The following GSX1 variants were observed in gnomAD, a reference collection of about 807,000 sequenced individuals.
The protein encoded by GSX1 is GS homeo box protein 1.
Under a neutral mutation model 17.7 loss-of-function variants are expected in GSX1, and 13 were observed. That is an observed-to-expected ratio of 0.74 (90% CI 0.48 to 1.17). GSX1 has a LOEUF of 1.17. Among genes scored for constraint, GSX1 ranks in the 50% most tolerant of loss-of-function variants. The probability of loss-of-function intolerance (pLI) is 0.00; values close to 1 mark genes in which losing one functional copy is unlikely to be tolerated. For missense variants in GSX1, 371 were observed against 372.1 expected (o/e 1.00, Z 0.02); for synonymous variants, 202 against 176.2 (o/e 1.15, Z -1.16).
At position 27,794,048 on chromosome 13, in the gene GSX1, C is replaced by A; in HGVS notation, c.*100C>A. The A allele has an allele frequency of 7.6e-7, 1 of 1,317,890 alleles. No individual in the cohort carries two copies. Among genetic ancestry groups the A allele is most frequent in the Non-Finnish European group, 1.0e-6 (1 of 971,908 alleles). The allele number at this position is 1,317,890 out of a possible 1,614,324, so 81.6% of individuals were successfully genotyped here. On this transcript the variant is annotated 3_prime_UTR_variant, in exon 2 of 2. Transcript: ENST00000302945. ...TTCCCAGGCACCCGCAGCCAAACCA[C>A]TGCCTGGCATGGATTTGGCACTGCT...
chr13:27,793,909 C>A lies in GSX1; in HGVS notation c.756C>A (p.Ser252=). 1 of 1,571,330 alleles carries A rather than the reference C, an allele frequency of 6.4e-7. No homozygotes were observed. Among genetic ancestry groups the A allele is most frequent in the African/African-American group, 1.3e-5 (1 of 74,278 alleles). ...DDDELPMSPS[S]SGKDDRDLTV... is the part of the protein sequence containing the mutation. ...ACGAATTGCCCATGTCTCCGTCCTCCTCAGGGAAGGACGACCGGGATCTTA... is the reference window on the plus strand; with the variant it reads ...ACGAATTGCCCATGTCTCCGTCCTCATCAGGGAAGGACGACCGGGATCTTA... Residue 252 remains serine (S), a synonymous_variant, in exon 2 of 2, where the codon TCC becomes TCA. Coordinates refer to ENST00000302945, the MANE Select transcript of GSX1 (RefSeq NM_145657.3). This position sits in a 1 kb window ranked among gnomAD's most constrained non-coding sequence, Gnocchi z 6.2.
rs1441421766 is a variant in GSX1, at chr13:27,794,302, G to C, written c.*354G>C. The C allele has an allele frequency of 4.4e-6, 1 of 225,136 alleles. No homozygotes were observed. Among genetic ancestry groups the C allele is most frequent in the Non-Finnish European group, 8.6e-6 (1 of 116,200 alleles). The allele number at this position is 225,136 out of a possible 1,614,324, so 13.9% of individuals were successfully genotyped here. A position where few individuals can be genotyped will look rare whatever the true frequency, so the allele number is the denominator to read the frequency against. On this transcript the variant is annotated 3_prime_UTR_variant, in exon 2 of 2. Coordinates refer to ENST00000302945, the MANE Select transcript of GSX1 (RefSeq NM_145657.3). ...TAGCCCGCCCTCTCTGGGCTGGCTT[G>C]GGCTTCCTCGCTTACTCTACTCTCC...
rs189831013 is a variant in GSX1 at position 27,793,927 on chromosome 13, G to T, written c.774G>T (p.Arg258=). 1.5e-5 allele frequency: 24 copies of T among 1,559,994 alleles called. No homozygotes were observed. The Admixed American group carries it at 4.1e-4, about 27-fold the overall frequency. Residue 258 remains arginine (R), a synonymous_variant, in exon 2 of 2, where the codon CGG becomes CGT. Coordinates refer to ENST00000302945, the MANE Select transcript of GSX1 (RefSeq NM_145657.3). The surrounding 1 kb of genome is among the most constrained non-coding windows in gnomAD (Gnocchi z 6.2). ...CGTCCTCCTCAGGGAAGGACGACCGGGATCTTACGGTCACTCCCTAGGCGC... is the reference window on the plus strand; with the variant it reads ...CGTCCTCCTCAGGGAAGGACGACCGTGATCTTACGGTCACTCCCTAGGCGC... ...MSPSSSGKDD[R]DLTVTP
Position 27,793,453 on chromosome 13 carries a change from G to T in GSX1, c.413-113G>T. On this transcript the variant is annotated intron_variant, in intron 1 of 1. Coordinates refer to ENST00000302945, the MANE Select transcript of GSX1 (RefSeq NM_145657.3). This position sits in a 1 kb window ranked among gnomAD's most constrained non-coding sequence, Gnocchi z 6.2. ...TAGCTCTGCTGTGGATTGTGTTGGG[G>T]CGAAGAGATGGGTAAGAGGTCAAAG... is the stretch of plus-strand genomic sequence containing the variant. The T allele has an allele frequency of 9.6e-7, 1 of 1,038,998 alleles. No individual in the cohort carries two copies. The highest frequency in any genetic ancestry group is 1.4e-6 in the Non-Finnish European group (1 of 719,602). 64.4% of individuals were successfully genotyped at this position (1,038,998 alleles called of 1,614,324 possible).
chr13:27,794,154 T>G lies in GSX1; in HGVS notation c.*206T>G, dbSNP rs1957085872. 1 of 587,642 alleles carries G rather than the reference T, an allele frequency of 1.7e-6. No homozygotes were observed. Among genetic ancestry groups the G allele is most frequent in the Admixed American group, 3.4e-5 (1 of 29,726 alleles). The allele number at this position is 587,642 out of a possible 1,614,324, so 36.4% of individuals were successfully genotyped here. A position where few individuals can be genotyped will look rare whatever the true frequency, so the allele number is the denominator to read the frequency against. Reference sequence around the variant, plus strand: ...GCGTCCCCGCCCCAGGGCTCGCTCGTGTCCAAAGCCAACTCCAAGCTGTGA... The same window carrying G: ...GCGTCCCCGCCCCAGGGCTCGCTCGGGTCCAAAGCCAACTCCAAGCTGTGA... On this transcript the variant is annotated 3_prime_UTR_variant, in exon 2 of 2. Coordinates refer to ENST00000302945, the MANE Select transcript of GSX1 (RefSeq NM_145657.3).
chr13:27,794,403 A>G lies in GSX1; in HGVS notation c.*455A>G, dbSNP rs1044546280. The G allele has an allele frequency of 3.8e-5, 5 of 132,106 alleles. No individual in the cohort carries two copies. The highest frequency in any genetic ancestry group is 1.5e-4 in the African/African-American group (5 of 33,224). The allele number at this position is 132,106 out of a possible 1,614,324, so 8.2% of individuals were successfully genotyped here. Reference sequence around the variant, plus strand: ...TTAAAATGTCTTTTTGTCCCTCCCCACCTCTTTCCTGTGATCATTTATTCA... The same window carrying G: ...TTAAAATGTCTTTTTGTCCCTCCCCGCCTCTTTCCTGTGATCATTTATTCA... On this transcript the variant is annotated 3_prime_UTR_variant, in exon 2 of 2. Transcript: ENST00000302945.
Position 27,793,872 on chromosome 13 carries a change from C to G in GSX1, c.719C>G (p.Ser240Cys), listed in dbSNP as rs1421235981. The change falls in exon 2 of 2, where the codon TCC becomes TGC. Residue 240 changes from serine to cysteine, a missense_variant. By Grantham distance (112) the Ser-to-Cys change is moderately radical. Coordinates refer to ENST00000302945, the MANE Select transcript of GSX1 (RefSeq NM_145657.3). This position sits in a 1 kb window ranked among gnomAD's most constrained non-coding sequence, Gnocchi z 6.2. ...GCATCGCTCTCCTCAGCCAAGTGCT[C>G]CGAGGATGACGACGAATTGCCCATG... ...KCASLSSAKC[S>C]EDDDELPMSP... is the part of the protein sequence containing the mutation. 6.3e-7 allele frequency: 1 copy of G among 1,598,074 alleles called. No individual in the cohort carries two copies. Among genetic ancestry groups the G allele is most frequent in the Non-Finnish European group, 8.5e-7 (1 of 1,170,608 alleles).
Position 27,793,946 on chromosome 13 carries a change from T to C in GSX1, c.793T>C (p.Ter265GlnextTer52). The stretch of plus-strand genomic sequence containing the variant: ...CGACCGGGATCTTACGGTCACTCCC[T>C]AGGCGCGTGTCTCCCTAGGTCGCCC... The part of the protein sequence containing the change: ...KDDRDLTVTP[*>Q] The change falls in exon 2 of 2, where the codon TAG (stop) becomes CAG (glutamine). Residue 265 changes from the stop codon to glutamine (Q), a stop_lost. Transcript: ENST00000302945. The surrounding 1 kb of genome is among the most constrained non-coding windows in gnomAD (Gnocchi z 6.2). The C allele has an allele frequency of 6.5e-7, 1 of 1,546,982 alleles. No individual in the cohort carries two copies. Among genetic ancestry groups the C allele is most frequent in the South Asian group, 1.3e-5 (1 of 79,782 alleles).
In GSX1 at chr13:27,793,786, T is replaced by C. The variant is rs1479582165; in HGVS notation, c.633T>C (p.His211=). ...KHKKEGKGSN[H]RGGGGGGAGG... ...AGAAGGAGGGCAAGGGCAGCAACCATCGTGGCGGCGGCGGCGGGGGTGCCG... is the reference window on the plus strand; with the variant it reads ...AGAAGGAGGGCAAGGGCAGCAACCACCGTGGCGGCGGCGGCGGGGGTGCCG... The change falls in exon 2 of 2, where the codon CAT becomes CAC. Residue 211 remains histidine, a synonymous_variant. Coordinates refer to ENST00000302945, the MANE Select transcript of GSX1 (RefSeq NM_145657.3). The surrounding 1 kb of genome is among the most constrained non-coding windows in gnomAD (Gnocchi z 6.2). 1.9e-6 allele frequency: 3 copies of C among 1,613,914 alleles called. No homozygotes were observed. The highest frequency in any genetic ancestry group is 2.2e-5 in the East Asian group (1 of 44,860).
Position 27,793,498 on chromosome 13 carries a change from G to C in GSX1, c.413-68G>C, listed in dbSNP as rs1957079555. 6.7e-7 allele frequency: 1 copy of C among 1,488,610 alleles called. No individual in the cohort carries two copies. The allele number at this position is 1,488,610 out of a possible 1,614,324, so 92.2% of individuals were successfully genotyped here. ...TCAAAGTCGTAGGATTCTGGCGACC[G>C]CCTACCAAGGGATTGGGTCCACAGC... On this transcript the variant is annotated intron_variant, in intron 1 of 1. Transcript: ENST00000302945. This position sits in a 1 kb window ranked among gnomAD's most constrained non-coding sequence, Gnocchi z 6.2.
In GSX1 at chr13:27,793,770, G is replaced by T; in HGVS notation, c.617G>T (p.Gly206Val). The T allele has an allele frequency of 6.2e-7, 1 of 1,614,192 alleles. No individual in the cohort carries two copies. The highest frequency in any genetic ancestry group is 1.1e-5 in the South Asian group (1 of 91,082). ...CGCCGAGTGAAGCACAAGAAGGAGG[G>T]CAAGGGCAGCAACCATCGTGGCGGC... ...QNRRVKHKKE[G>V]KGSNHRGGGG... Residue 206 changes from glycine (G) to valine (V), a missense_variant, in exon 2 of 2, where the codon GGC becomes GTC. Gly to Val is a moderately radical substitution (Grantham distance 109). Coordinates refer to ENST00000302945, the MANE Select transcript of GSX1 (RefSeq NM_145657.3). This position sits in a 1 kb window ranked among gnomAD's most constrained non-coding sequence, Gnocchi z 6.2.
At position 27,794,608 on chromosome 13, in the gene GSX1, T is replaced by G. The variant is rs944167973; in HGVS notation, c.*660T>G. ...CAGATGATAAATTTCGCCCGTAGTA[T>G]CCATATTGGGGAAACAGATTTGCTC... On this transcript the variant is annotated 3_prime_UTR_variant, in exon 2 of 2. Transcript: ENST00000302945. 5 of 151,818 alleles carry G rather than the reference T, an allele frequency of 3.3e-5. No homozygotes were observed. The highest frequency in any genetic ancestry group is 3.4e-3 in the Middle Eastern group (1 of 290). The allele number at this position is 151,818 out of a possible 1,614,324, so 9.4% of individuals were successfully genotyped here.
In GSX1 at chr13:27,793,257, G is replaced by A. The variant is rs1957077932; in HGVS notation, c.412+155G>A. 6.6e-6 allele frequency among the ~76,000 whole-genome samples: 1 copy of A among 152,180 alleles called. No individual in the cohort carries two copies. The highest frequency in any genetic ancestry group is 2.4e-5 in the African/African-American group (1 of 41,446). ...CGCTTGGGGTGGAGTGAGGATAGAG[G>A]GCCGGGACACAACGCCAGGAGGCGG... is the stretch of plus-strand genomic sequence containing the variant. On this transcript the variant is annotated intron_variant, in intron 1 of 1. Coordinates refer to ENST00000302945, the MANE Select transcript of GSX1 (RefSeq NM_145657.3). This position sits in a 1 kb window ranked among gnomAD's most constrained non-coding sequence, Gnocchi z 6.2.
Position 27,793,321 on chromosome 13 carries a change from G to A in GSX1, c.412+219G>A, listed in dbSNP as rs890084794. Reference sequence around the variant, plus strand: ...TCCAGGTCCTGGAGTGTGGGCCGGGGTAAGTGAGGGCTGGGATCCAAGGCT... The same window carrying A: ...TCCAGGTCCTGGAGTGTGGGCCGGGATAAGTGAGGGCTGGGATCCAAGGCT... On this transcript the variant is annotated intron_variant, in intron 1 of 1. Coordinates refer to ENST00000302945, the MANE Select transcript of GSX1 (RefSeq NM_145657.3). The surrounding 1 kb of genome is among the most constrained non-coding windows in gnomAD (Gnocchi z 6.2). 1.5e-4 allele frequency among the ~76,000 whole-genome samples: 23 copies of A among 152,168 alleles called. 1 individual carries two copies. The highest frequency in any genetic ancestry group is 4.8e-4 in the African/African-American group (20 of 41,438).
rs1957072547 is a variant in GSX1, at chr13:27,792,612, A to G, written c.-79A>G. 2.5e-6 allele frequency: 3 copies of G among 1,210,216 alleles called. No homozygotes were observed. The highest frequency in any genetic ancestry group is 3.2e-5 in the East Asian group (1 of 31,046). 75.0% of individuals were successfully genotyped at this position (1,210,216 alleles called of 1,614,324 possible). A position where few individuals can be genotyped will look rare whatever the true frequency, so the allele number is the denominator to read the frequency against. ...GAGGCAGCTGCGGGATACCGCGGCC[A>G]GGGAAAGCGCGTGGAGAGCCGAAAG... On this transcript the variant is annotated 5_prime_UTR_variant, in exon 1 of 2. Coordinates refer to ENST00000302945, the MANE Select transcript of GSX1 (RefSeq NM_145657.3).
At position 27,793,110 on chromosome 13, in the gene GSX1, G is replaced by A. The variant is rs1424859831; in HGVS notation, c.412+8G>A. On this transcript the variant is annotated splice_region_variant and intron_variant, in intron 1 of 1. Transcript: ENST00000302945. This position sits in a 1 kb window ranked among gnomAD's most constrained non-coding sequence, Gnocchi z 6.2. Reference sequence around the variant, plus strand: ...TCCACTGCATCTCTGTGGGTAAGCGGGGCCGCCGCGCAGAGGGACCGGGCA... The same window carrying A: ...TCCACTGCATCTCTGTGGGTAAGCGAGGCCGCCGCGCAGAGGGACCGGGCA... 4 of 1,525,988 alleles carry A rather than the reference G, an allele frequency of 2.6e-6. No individual in the cohort carries two copies. Among genetic ancestry groups the A allele is most frequent in the South Asian group, 2.5e-5 (2 of 81,118 alleles). The allele number at this position is 1,525,988 out of a possible 1,614,324, so 94.5% of individuals were successfully genotyped here. A position where few individuals can be genotyped will look rare whatever the true frequency, so the allele number is the denominator to read the frequency against.
In GSX1 at chr13:27,793,915, G is replaced by T; in HGVS notation, c.762G>T (p.Gly254=). The T allele has an allele frequency of 6.4e-7, 1 of 1,567,674 alleles. No homozygotes were observed. The highest frequency in any genetic ancestry group is 2.2e-5 in the East Asian group (1 of 44,512). The change falls in exon 2 of 2, where the codon GGG becomes GGT. Residue 254 remains glycine (G), a synonymous_variant. Coordinates refer to ENST00000302945, the MANE Select transcript of GSX1 (RefSeq NM_145657.3). The surrounding 1 kb of genome is among the most constrained non-coding windows in gnomAD (Gnocchi z 6.2). ...DELPMSPSSS[G]KDDRDLTVTP ...TGCCCATGTCTCCGTCCTCCTCAGG[G>T]AAGGACGACCGGGATCTTACGGTCA...
chr13:27,793,633 A>G lies in GSX1; in HGVS notation c.480A>G (p.Leu160=), dbSNP rs1421688310. Residue 160 remains leucine (L), a synonymous_variant, in exon 2 of 2, where the codon CTA becomes CTG. Transcript: ENST00000302945. This position sits in a 1 kb window ranked among gnomAD's most constrained non-coding sequence, Gnocchi z 6.2. ...MRTAFTSTQL[L]ELEREFASNM... ...CGGCTTTCACCAGCACGCAGCTGCT[A>G]GAGCTGGAGCGCGAGTTCGCTTCTA... is the stretch of plus-strand genomic sequence containing the variant. 6.2e-7 allele frequency: 1 copy of G among 1,614,156 alleles called. No homozygotes were observed.
rs2138645994 is a variant in GSX1, at chr13:27,794,420, A to AT, written c.*475dup. ...CCCTCCCCACCTCTTTCCTGTGATCATTTATTCACTCGGCCCCCGCCCGCC... is the reference window on the plus strand; with the variant it reads ...CCCTCCCCACCTCTTTCCTGTGATCATTTTATTCACTCGGCCCCCGCCCGCC... On this transcript the variant is annotated 3_prime_UTR_variant, in exon 2 of 2. Coordinates refer to ENST00000302945, the MANE Select transcript of GSX1 (RefSeq NM_145657.3). The AT allele has an allele frequency of 6.6e-6, 1 of 151,720 alleles. No homozygotes were observed. The highest frequency in any genetic ancestry group is 2.5e-5 in the African/African-American group (1 of 40,482). The allele number at this position is 151,720 out of a possible 1,614,324, so 9.4% of individuals were successfully genotyped here.
Sources: allele counts gnomAD v4.1 joint callset (sites outside exome capture counted in the v4.1 genomes callset), GRCh38; gene constraint gnomAD v4.1.1; non-coding constraint Gnocchi (gnomAD v3.1); transcripts MANE v1.5; gene names NCBI Gene and HGNC (gene_info 2026-07-23, HGNC 2026-07-21).